ANKS1B: variants seen among roughly 807,000 people sequenced by gnomAD.
ANKS1B encodes ankyrin repeat and sterile alpha motif domain containing 1B, also known as ankyrin repeat and sterile alpha motif domain-containing protein 1B.
Under a neutral mutation model 148.3 loss-of-function variants are expected in ANKS1B, and 36 were observed. The observed-to-expected ratio is 0.24, with a 90% confidence interval of 0.19 to 0.32. The LOEUF is 0.32. ANKS1B is among the 10% of genes least tolerant of loss of function. The pLI is 1.00. For missense variants in ANKS1B, 1,157 were observed against 1,542.6 expected (o/e 0.75, Z 4.19); for synonymous variants, 542 against 560.8 (o/e 0.97, Z 0.47).
intron 20 of ANKS1B, among the ~76,000 whole-genome samples, chr12:98,806,511 G>C (rs907646871): frequency 6.6e-6 from 1 of 152,142 alleles, no homozygotes; most frequent in Non-Finnish European, 1.5e-5. Flanking sequence ...CAATAATTAT[G>C]ACAAATTTCA....
intron 10 of ANKS1B, among the ~76,000 whole-genome samples, chr12:99,459,267 A>G (rs1469012927): frequency 6.6e-6 from 1 of 152,030 alleles, no homozygotes; most frequent in Non-Finnish European, 1.5e-5. Context: ...CGTTAATGTA[A>G]TAAAAGCATC....
chr12:99,285,369 G>T (rs765731248), intron 12 of ANKS1B, among the ~76,000 whole-genome samples: 1 of 152,110 alleles, frequency 6.6e-6, no homozygotes, highest in Non-Finnish European at 1.5e-5. Context: ...ACCTACTGAT[G>T]AACATTTGGT....
intron 8 of ANKS1B, among the ~76,000 whole-genome samples, chr12:99,662,066 C>G (rs1459478681): frequency 6.6e-6 from 1 of 152,180 alleles, no homozygotes; most frequent in Non-Finnish European, 1.5e-5. Flanking sequence ...GACTGCCTAG[C>G]TCTAAGCTTT....
chr12:99,250,156 C>T (rs1359307356), intron 12 of ANKS1B, among the ~76,000 whole-genome samples: 1 of 152,102 alleles, frequency 6.6e-6, no homozygotes, highest in Non-Finnish European at 1.5e-5. Flanking sequence ...CAGGTATAAG[C>T]AGGTTTAGGA....
chr12:99,733,052 G>A (rs1042597230), intron 8 of ANKS1B, among the ~76,000 whole-genome samples: 3 of 151,386 alleles, frequency 2.0e-5, no homozygotes, highest in African/African-American at 7.3e-5. Flanking sequence ...TTGTTGAGAT[G>A]TCATAGCTAA....
At chr12:99,021,986 A>T (rs114012237) in intron 17 of ANKS1B, among the ~76,000 whole-genome samples, 1,644 of 152,264 alleles carry the variant, frequency 0.011, 25 homozygotes, top group South Asian at 0.044. Flanking sequence ...ATGTTATGCA[A>T]ATATCCAACC....
chr12:99,199,703 T>G (rs1287929150), intron 14 of ANKS1B, among the ~76,000 whole-genome samples: 2 of 152,134 alleles, frequency 1.3e-5, no homozygotes, highest in Non-Finnish European at 2.9e-5. Context: ...TTTTTGGGCC[T>G]CTCTATTTTC....
intron 19 of ANKS1B, among the ~76,000 whole-genome samples, chr12:98,813,494 G>T (rs887815084): frequency 6.6e-6 from 1 of 150,986 alleles, no homozygotes; most frequent in Non-Finnish European, 1.5e-5. Context: ...TAGGATTACA[G>T]TTGTGAGCCA....
rs117377798 is a variant in ANKS1B at position 99,595,434 on chromosome 12, C to G, written c.1272+59633G>C. On this transcript the variant is annotated intron_variant, in intron 9 of 26. Coordinates refer to ENST00000683438, the MANE Select transcript of ANKS1B (RefSeq NM_001352186.2). Reference sequence around the variant, plus strand: ...CAATTGCCTGTATATTTTATATATTCTTTTTCTAGTAAAAAATGAAAAGTA... The same window carrying G: ...CAATTGCCTGTATATTTTATATATTGTTTTTCTAGTAAAAAATGAAAAGTA... Among the ~76,000 whole-genome samples, 111 of 151,772 alleles carry G rather than the reference C, an allele frequency of 7.3e-4. No homozygotes were observed. In the Middle Eastern group the frequency reaches 0.01, roughly 14 times the overall value.
At chr12:99,650,926 T>C (rs1243834500) in intron 9 of ANKS1B, among the ~76,000 whole-genome samples, 1 of 152,100 alleles carries the variant, frequency 6.6e-6, no homozygotes, top group African/African-American at 2.4e-5. Context: ...ATAGGTAACC[T>C]GGCCCCCAAT....
intron 11 of ANKS1B, among the ~76,000 whole-genome samples, chr12:99,410,902 T>C (rs532832375): frequency 4.5e-4 from 68 of 152,316 alleles, no homozygotes; most frequent in South Asian, 1.9e-3. Flanking sequence ...CCCTTGGTCA[T>C]GGAAACACTC....
chr12:99,802,366 A>C (rs1370641436), intron 4 of ANKS1B, among the ~76,000 whole-genome samples: 1 of 152,146 alleles, frequency 6.6e-6, no homozygotes, highest in African/African-American at 2.4e-5. Flanking sequence ...CAAGTTCAAA[A>C]TTCATAAAAA....
At chr12:99,256,156 A>C in intron 12 of ANKS1B, among the ~76,000 whole-genome samples, 1 of 151,886 alleles carries the variant, frequency 6.6e-6, no homozygotes, top group East Asian at 1.9e-4. Context: ...AGGTTGAAGC[A>C]GGAGAATCGC....
intron 9 of ANKS1B, chr12:99,647,971 G>A: frequency 3.0e-6 from 2 of 662,188 alleles, no homozygotes; most frequent in Non-Finnish European, 5.0e-6. Flanking sequence ...TGGATCCAGG[G>A]GACTGACTGT....
chr12:99,221,750 C>T (rs1395988324), intron 14 of ANKS1B, among the ~76,000 whole-genome samples: 3 of 152,052 alleles, frequency 2.0e-5, no homozygotes, highest in African/African-American at 7.2e-5. Flanking sequence ...ATTGTAACTG[C>T]TAAGGAGGGC....
At chr12:99,873,640 GT>G (rs1481487283) in intron 1 of ANKS1B, among the ~76,000 whole-genome samples, 1 of 151,940 alleles carries the variant, frequency 6.6e-6, no homozygotes, top group Non-Finnish European at 1.5e-5. Flanking sequence ...TTCATCATCA[GT>G]ATATTCATTC....
intron 1 of ANKS1B, among the ~76,000 whole-genome samples, chr12:99,951,068 A>C (rs1023994006): frequency 1.3e-4 from 20 of 152,124 alleles, no homozygotes; most frequent in African/African-American, 4.1e-4. Context: ...GCATTGCACC[A>C]CTGTCCTCTA....
At chr12:99,666,684 G>T (rs2098508729) in intron 8 of ANKS1B, among the ~76,000 whole-genome samples, 1 of 152,016 alleles carries the variant, frequency 6.6e-6, no homozygotes, top group African/African-American at 2.4e-5. Flanking sequence ...TCTTTCAAAT[G>T]GTATTATTAG....
chr12:99,088,555 AT>A (rs559060259), intron 15 of ANKS1B, among the ~76,000 whole-genome samples: 2,187 of 151,392 alleles, frequency 0.014, 56 homozygotes, highest in African/African-American at 0.05. Flanking sequence ...AAGAATATAT[AT>A]TTTTTTTTGA....
Sources: gnomAD v4.1 joint callset for allele counts (sites outside exome capture counted in the v4.1 genomes callset) on GRCh38, gnomAD v4.1.1 for gene constraint, MANE v1.5 for transcripts, NCBI Gene and HGNC (gene_info 2026-07-23, HGNC 2026-07-21) for gene names.